The following ASTN2 variants were observed in gnomAD, a reference collection of about 807,000 sequenced individuals.
ASTN2 encodes astrotactin-2.
ASTN2 carries 54 observed loss-of-function variants against 139.8 expected under a neutral mutation model. The ratio of observed to expected loss-of-function variants is 0.39; its 90% confidence interval spans 0.31 to 0.48. The LOEUF is 0.48. Among genes scored for constraint, ASTN2 ranks in the 20% least tolerant of loss-of-function variants. The pLI is 0.95. For synonymous variants in ASTN2, 756 were observed against 719.5 expected, an observed-to-expected ratio of 1.05 and a Z score of -0.81; for missense variants, 1,565 against 1,725.1, an observed-to-expected ratio of 0.91 and a Z score of 1.64.
chr9:116,733,511 G>A lies in ASTN2; in HGVS notation c.2409C>T (p.Phe803=), dbSNP rs763219726. 6.2e-7 allele frequency: 1 copy of A among 1,614,204 alleles called. No homozygotes were observed. The highest frequency in any genetic ancestry group is 2.2e-5 in the East Asian group (1 of 44,878). Reference sequence around the variant, plus strand: ...CGGCCAGCTGGGGAAAGTCCTTGATGAAGTTGTTCTCCCTGTGGAGAGGAG... The same window carrying A: ...CGGCCAGCTGGGGAAAGTCCTTGATAAAGTTGTTCTCCCTGTGGAGAGGAG... ...VFQMTFRENN[F]IKDFPQLADG... is the part of the protein sequence containing the mutation. The change falls in exon 14 of 23, where the codon TTC becomes TTT. Residue 803 remains phenylalanine (F), a synonymous_variant. Transcript: ENST00000313400.
chr9:116,589,718 T>A (rs572738825), intron 19 of ASTN2, among the ~76,000 whole-genome samples: 1 of 152,218 alleles, frequency 6.6e-6, no homozygotes, highest in Non-Finnish European at 1.5e-5. Context: ...CCTCCAACTC[T>A]TTAGTTTTAT....
intron 19 of ASTN2, chr9:116,611,912 T>C (rs997416963): frequency 1.3e-5 from 2 of 152,168 alleles, no homozygotes; most frequent in African/African-American, 4.8e-5. Flanking sequence ...AAATATTTTA[T>C]AATTCATTTT....
chr9:117,370,305 C>T (rs572052556), intron 1 of ASTN2, among the ~76,000 whole-genome samples: 1 of 152,288 alleles, frequency 6.6e-6, no homozygotes, highest in East Asian at 1.9e-4. Flanking sequence ...AACTTTTCAT[C>T]ATGCACAGTC....
intron 4 of ASTN2, among the ~76,000 whole-genome samples, chr9:117,124,757 G>A (rs574694571): frequency 4.0e-5 from 6 of 149,486 alleles, no homozygotes; most frequent in East Asian, 2.0e-4. Flanking sequence ...GCGAGCCACC[G>A]TTGCACCACT....
chr9:117,261,260 T>C (rs931275776), intron 2 of ASTN2, among the ~76,000 whole-genome samples: 1 of 152,168 alleles, frequency 6.6e-6, no homozygotes, highest in Admixed American at 6.5e-5. Flanking sequence ...TGTTTACAAA[T>C]AGAGACTAGG....
At chr9:117,381,668 CA>C (rs1240878753) in intron 1 of ASTN2, among the ~76,000 whole-genome samples, 1 of 152,144 alleles carries the variant, frequency 6.6e-6, no homozygotes, top group Non-Finnish European at 1.5e-5. Flanking sequence ...GTACAGCCTG[CA>C]GAACCATAAG....
intron 10 of ASTN2, among the ~76,000 whole-genome samples, chr9:116,953,231 T>C (rs1301623204): frequency 6.6e-6 from 1 of 152,234 alleles, no homozygotes; most frequent in African/African-American, 2.4e-5. Context: ...ATTTTACTGA[T>C]AAGGAAACTG....
chr9:116,666,016 G>A (rs1858841601), intron 16 of ASTN2, among the ~76,000 whole-genome samples: 2 of 152,124 alleles, frequency 1.3e-5, no homozygotes, highest in African/African-American at 4.8e-5. Context: ...TGGAAATACT[G>A]CAGGTAATAA....
intron 21 of ASTN2, among the ~76,000 whole-genome samples, chr9:116,441,588 C>T (rs1045898738): frequency 9.9e-5 from 15 of 151,830 alleles, no homozygotes; most frequent in Middle Eastern, 3.4e-3. Context: ...GTTTCGAATC[C>T]CCTCCCCTTT....
At chr9:116,725,305 A>T (rs1350743191) in intron 16 of ASTN2, among the ~76,000 whole-genome samples, 6 of 151,966 alleles carry the variant, frequency 3.9e-5, no homozygotes, top group Admixed American at 1.3e-4. Context: ...CAGAATGGAA[A>T]CCGTCTGCTT....
At chr9:116,831,599 G>T (rs1831816526) in intron 11 of ASTN2, among the ~76,000 whole-genome samples, 1 of 152,120 alleles carries the variant, frequency 6.6e-6, no homozygotes, top group Non-Finnish European at 1.5e-5. Flanking sequence ...TGATTATTTT[G>T]TAGAGTAAAA....
At chr9:116,645,070 T>C (rs1269373820) in intron 17 of ASTN2, among the ~76,000 whole-genome samples, 1 of 152,200 alleles carries the variant, frequency 6.6e-6, no homozygotes, top group Non-Finnish European at 1.5e-5. Flanking sequence ...GGATAAATAC[T>C]AGATTGCCTA....
intron 19 of ASTN2, among the ~76,000 whole-genome samples, chr9:116,518,554 T>C (rs1182262313): frequency 6.6e-6 from 1 of 151,796 alleles, no homozygotes; most frequent in Non-Finnish European, 1.5e-5. Context: ...AAATAGAACC[T>C]CCTTAAAGCA....
intron 13 of ASTN2, among the ~76,000 whole-genome samples, chr9:116,734,425 T>C (rs889742598): frequency 6.6e-6 from 1 of 152,144 alleles, no homozygotes; most frequent in African/African-American, 2.4e-5. Context: ...GTGAGCTTCC[T>C]GTTACTGAGG....
chr9:117,313,917 G>C (rs1453574569), intron 1 of ASTN2, among the ~76,000 whole-genome samples: 1 of 152,054 alleles, frequency 6.6e-6, no homozygotes, highest in East Asian at 1.9e-4. Context: ...TTATCCCTTT[G>C]TACTTTGACA....
Position 116,447,654 on chromosome 9 carries a change from C to T in ASTN2, c.3498-5101G>A, listed in dbSNP as rs571040473. On this transcript the variant is annotated intron_variant, in intron 20 of 22. Coordinates refer to ENST00000313400, the MANE Select transcript of ASTN2 (RefSeq NM_001365068.1). ...GTGTAGCCTTGTCTCAAGGTACTCACCTGTACAACGGGAATCATAATATTA... is the reference window on the plus strand; with the variant it reads ...GTGTAGCCTTGTCTCAAGGTACTCATCTGTACAACGGGAATCATAATATTA... Among the ~76,000 whole-genome samples, 9 of 152,262 alleles carry T rather than the reference C, an allele frequency of 5.9e-5. No individual in the cohort carries two copies. The South Asian group carries it at 1.9e-3, about 32-fold the overall frequency.
chr9:116,486,211 T>C (rs1038707317), intron 20 of ASTN2, among the ~76,000 whole-genome samples: 10 of 152,262 alleles, frequency 6.6e-5, no homozygotes, highest in Admixed American at 6.5e-4. Flanking sequence ...TATCTGAGGA[T>C]AGGACTTCTG....
In ASTN2 at chr9:116,513,154, A is replaced by T. The variant is rs1044202392; in HGVS notation, c.3356-25654T>A. The stretch of plus-strand genomic sequence containing the variant: ...TGGCTGGTACCAGCTGTTCCTTTCC[A>T]TGTTTAGTTCTTCTTTCAGGAGCTC... On this transcript the variant is annotated intron_variant, in intron 19 of 22. Transcript: ENST00000313400. Among the ~76,000 whole-genome samples the T allele has an allele frequency of 2.0e-5, 3 of 152,078 alleles. No individual in the cohort carries two copies. In the South Asian group the frequency reaches 6.2e-4, roughly 32 times the overall value.
chr9:117,236,063 T>A (rs780827872), intron 2 of ASTN2, among the ~76,000 whole-genome samples: 1 of 152,136 alleles, frequency 6.6e-6, no homozygotes, highest in East Asian at 1.9e-4. Flanking sequence ...TCTGGTGACA[T>A]AGGTATGTTG....
Sources: allele counts gnomAD v4.1 joint callset (sites outside exome capture counted in the v4.1 genomes callset), GRCh38; gene constraint gnomAD v4.1.1; transcripts MANE v1.5; gene names NCBI Gene and HGNC (gene_info 2026-07-23, HGNC 2026-07-21).